USP44: variants seen among roughly 807,000 people sequenced by gnomAD.
The protein encoded by USP44 is ubiquitin specific peptidase 44.
Under a neutral mutation model 69.0 loss-of-function variants are expected in USP44, and 61 were observed. The observed-to-expected ratio is 0.88, with a 90% confidence interval of 0.72 to 1.09. USP44 has a LOEUF of 1.09. USP44 is among the 50% of genes least tolerant of loss of function. The probability of loss-of-function intolerance (pLI) is 0.00; values close to 1 mark genes in which losing one functional copy is unlikely to be tolerated. For synonymous variants in USP44, 297 were observed against 295.4 expected (o/e 1.01, Z -0.06); for missense variants, 753 against 849.9 (o/e 0.89, Z 1.42).
In USP44 at chr12:95,521,112, G is replaced by T. The variant is rs772731223; in HGVS notation, c.1824C>A (p.Thr608=). 11 of 1,614,114 alleles carry T rather than the reference G, an allele frequency of 6.8e-6. No homozygotes were observed. The highest frequency in any genetic ancestry group is 9.3e-6 in the Non-Finnish European group (11 of 1,180,028). The part of the protein sequence containing the change: ...LNMEPYCCRE[T]LKSLRPECFI... ...AGCATTCTGGTCTGAGGGATTTCAG[G>T]GTCTCCCTGCAGCAATAGGGCTCCA... is the stretch of plus-strand genomic sequence containing the variant. Residue 608 remains threonine (T), a synonymous_variant, in exon 5 of 6, where the codon ACC becomes ACA. Transcript: ENST00000258499.
At chr12:95,522,735 G>A (rs1157956706) in intron 4 of USP44, among the ~76,000 whole-genome samples, 6 of 145,906 alleles carry the variant, frequency 4.1e-5, no homozygotes, top group Non-Finnish European at 5.9e-5. Flanking sequence ...CTGAGATTGC[G>A]CCATTGCACT....
intron 1 of USP44, among the ~76,000 whole-genome samples, 185 bp from the exon 2 acceptor site, chr12:95,534,511 GCA>G (rs1382306901): frequency 3.3e-5 from 5 of 152,056 alleles, no homozygotes; most frequent in East Asian, 1.9e-4. Flanking sequence ...TGCTCTGAAA[GCA>G]CAGACACTTC....
chr12:95,542,915 G>A (rs141188102), intron 1 of USP44, among the ~76,000 whole-genome samples: 2,099 of 148,592 alleles, frequency 0.014, 35 homozygotes, highest in South Asian at 0.059. Flanking sequence ...GGTGAAACCC[G>A]TCTCTACTAA....
chr12:95,527,157 C>T (rs553256697), intron 3 of USP44, among the ~76,000 whole-genome samples: 7 of 150,890 alleles, frequency 4.6e-5, no homozygotes, highest in Admixed American at 3.3e-4. Context: ...TGGAATGGCG[C>T]GATCTCGGCT....
intron 5 of USP44, 141 bp from the exon 6 acceptor site, chr12:95,518,494 CAGTGTTACCCTGG>C: frequency 2.4e-6 from 2 of 826,230 alleles, no homozygotes; most frequent in Non-Finnish European, 3.7e-6. Context: ...ATAGATTGGG[CAGTGTTACCCTGG>C]AATTATCTAC....
In USP44 at chr12:95,517,802, T is replaced by C. The variant is rs1199133858; in HGVS notation, c.*352A>G. 5.6e-6 allele frequency: 1 copy of C among 177,148 alleles called. No homozygotes were observed. The highest frequency in any genetic ancestry group is 2.4e-5 in the African/African-American group (1 of 41,802). The allele number at this position is 177,148 out of a possible 1,614,324, so 11.0% of individuals were successfully genotyped here. ...GTCTAATTTTCCATCTATTAAGAAT[T>C]TGTATAGAAAATACCTGAAAAAGAT... On this transcript the variant is annotated 3_prime_UTR_variant, in exon 6 of 6. Coordinates refer to ENST00000258499, the MANE Select transcript of USP44 (RefSeq NM_032147.5).
At chr12:95,549,637 T>C (rs144488103) in intron 1 of USP44, among the ~76,000 whole-genome samples, 242 of 152,296 alleles carry the variant, frequency 1.6e-3, no homozygotes, top group Non-Finnish European at 2.9e-3. Flanking sequence ...AAGGAGAGCT[T>C]AAAAAGAAGA....
In USP44 at chr12:95,518,258, C is replaced by G. The variant is rs150800253; in HGVS notation, c.2035G>C (p.Val679Leu). 1.2e-6 allele frequency: 2 copies of G among 1,614,152 alleles called. No individual in the cohort carries two copies. The highest frequency in any genetic ancestry group is 3.3e-5 in the Admixed American group (2 of 60,022). The part of the protein sequence containing the change: ...QAYILFYTQR[V>L]TENGHSKLLP... The stretch of plus-strand genomic sequence containing the variant: ...AGTTTAGAATGTCCATTCTCAGTAA[C>G]TCGTTGGGTATAAAACAAGATATAA... Residue 679 changes from valine to leucine, a missense_variant, in exon 6 of 6, where the codon GTT (valine) becomes CTT (leucine). Coordinates refer to ENST00000258499, the MANE Select transcript of USP44 (RefSeq NM_032147.5).
Position 95,548,580 on chromosome 12 carries a change from C to T in USP44, c.-71+2692G>A, listed in dbSNP as rs1336847480. ...TCGCCGGACGCGTCGCCGCCGCGCG[C>T]CCCTCGGCTCATTCCCTTCCGCGCG... On this transcript the variant is annotated intron_variant, in intron 1 of 5. Coordinates refer to ENST00000258499, the MANE Select transcript of USP44 (RefSeq NM_032147.5). The surrounding 1 kb of genome is among the most constrained non-coding windows in gnomAD (Gnocchi z 4.1). The T allele has an allele frequency of 7.8e-5, 12 of 153,262 alleles. No homozygotes were observed. In the East Asian group the frequency reaches 2.3e-3, roughly 30 times the overall value. The allele number at this position is 153,262 out of a possible 1,614,324, so 9.5% of individuals were successfully genotyped here.
Position 95,522,861 on chromosome 12 carries a change from A to T in USP44, c.1734-1659T>A, listed in dbSNP as rs182117494. Among the ~76,000 whole-genome samples the T allele has an allele frequency of 6.7e-3, 1,022 of 151,454 alleles. 3 individuals are homozygous for T. The highest frequency in any genetic ancestry group is 1.0e-2 in the Non-Finnish European group (679 of 67,934). On this transcript the variant is annotated intron_variant, in intron 4 of 5. Coordinates refer to ENST00000258499, the MANE Select transcript of USP44 (RefSeq NM_032147.5). ...CTGGCAACCCCTAGATAGCTTCAGG[A>T]TGTGGGCAAGTCACAGGAAAGACCC... is the stretch of plus-strand genomic sequence containing the variant.
chr12:95,541,251 G>A (rs2077379616), intron 1 of USP44, among the ~76,000 whole-genome samples: 1 of 152,144 alleles, frequency 6.6e-6, no homozygotes, highest in Admixed American at 6.5e-5. Flanking sequence ...ACTCCAGCCT[G>A]GGCGACAGAG....
chr12:95,519,244 CTG>C (rs1437541729), intron 5 of USP44, among the ~76,000 whole-genome samples: 2 of 151,986 alleles, frequency 1.3e-5, no homozygotes, highest in Non-Finnish European at 2.9e-5. Flanking sequence ...GTTAATGAAA[CTG>C]TTTCATTATT....
Position 95,533,904 on chromosome 12 carries a change from C to G in USP44, c.353G>C (p.Arg118Thr), listed in dbSNP as rs1430855912. The change falls in exon 2 of 6, where the codon AGG (arginine) becomes ACG (threonine). Residue 118 changes from arginine (R) to threonine (T), a missense_variant. By Grantham distance (71) the Arg-to-Thr change is moderately conservative. Coordinates refer to ENST00000258499, the MANE Select transcript of USP44 (RefSeq NM_032147.5). ...ACCTGTACCCATGGACCGTAAAAAC[C>G]TCCCACTACGAGTTGTGCAGTGATA... Reference protein sequence around the residue: ...QNYHCTTRSGRFLRSMGTGDD... With the variant: ...QNYHCTTRSGTFLRSMGTGDD... 6.2e-7 allele frequency: 1 copy of G among 1,614,162 alleles called. No individual in the cohort carries two copies.
At chr12:95,544,756 A>G (rs1023378740) in intron 1 of USP44, among the ~76,000 whole-genome samples, 5 of 152,186 alleles carry the variant, frequency 3.3e-5, no homozygotes, top group African/African-American at 1.2e-4. Context: ...GAATTAATCT[A>G]TATGTTAAAA....
At chr12:95,540,978 C>T (rs1041557700) in intron 1 of USP44, among the ~76,000 whole-genome samples, 1 of 152,104 alleles carries the variant, frequency 6.6e-6, no homozygotes, top group Non-Finnish European at 1.5e-5. Context: ...ACGGAAGTAG[C>T]AATTTAAAAC....
At chr12:95,544,833 A>G (rs191506377) in intron 1 of USP44, among the ~76,000 whole-genome samples, 1 of 152,326 alleles carries the variant, frequency 6.6e-6, no homozygotes, top group East Asian at 1.9e-4. Flanking sequence ...ATATTTAGTC[A>G]AATAATCATC....
intron 1 of USP44, among the ~76,000 whole-genome samples, chr12:95,550,128 T>C (rs189631493): frequency 4.2e-5 from 6 of 142,066 alleles, no homozygotes; most frequent in Admixed American, 2.3e-4. Flanking sequence ...GTGGTGAGCC[T>C]AGATCCACAA....
At chr12:95,524,613 A>G (rs997820529) in intron 4 of USP44, 67 bp downstream of exon 4, 1 of 1,221,886 alleles carries the variant, frequency 8.2e-7, no homozygotes, top group Non-Finnish European at 1.1e-6. Flanking sequence ...TATAACATGC[A>G]TTCTTTAAGT....
intron 4 of USP44, among the ~76,000 whole-genome samples, chr12:95,523,860 A>G (rs1295100316): frequency 6.6e-6 from 1 of 151,810 alleles, no homozygotes; most frequent in Non-Finnish European, 1.5e-5. Flanking sequence ...GGTGGCTCAC[A>G]CCTGTCATCT....
Sources: allele counts gnomAD v4.1 joint callset (sites outside exome capture counted in the v4.1 genomes callset), GRCh38; gene constraint gnomAD v4.1.1; non-coding constraint Gnocchi (gnomAD v3.1); transcripts MANE v1.5; gene names NCBI Gene and HGNC (gene_info 2026-07-23, HGNC 2026-07-21).